Variants in SUSD4 observed in about 807,000 individuals in gnomAD.
SUSD4 encodes the protein sushi domain containing 4, also known as sushi domain-containing protein 4.
A neutral mutation model predicts 50.5 loss-of-function variants in SUSD4; 41 were observed. That is an observed-to-expected ratio of 0.81 (90% CI 0.63 to 1.05). The LOEUF is 1.05. SUSD4 is among the 50% of genes least tolerant of loss of function. The pLI, the probability that SUSD4 is intolerant of heterozygous loss-of-function variation, is 0.00. For synonymous variants in SUSD4, 257 were observed against 257.3 expected, an observed-to-expected ratio of 1.00 and a Z score of 0.01; for missense variants, 580 against 634.7, an observed-to-expected ratio of 0.91 and a Z score of 0.93.
intron 2 of SUSD4, among the ~76,000 whole-genome samples, chr1:223,351,894 C>G (rs368923843): frequency 2.0e-5 from 3 of 151,774 alleles, no homozygotes; most frequent in East Asian, 3.9e-4. Context: ...TTTCCATGGA[C>G]GTTAGCTTAG....
chr1:223,255,749 A>C (rs1363381628), intron 5 of SUSD4, among the ~76,000 whole-genome samples: 1 of 150,508 alleles, frequency 6.6e-6, no homozygotes, highest in Non-Finnish European at 1.5e-5. Flanking sequence ...CTGCTATATC[A>C]AGTAAAAAAG....
At chr1:223,322,842 T>C (rs1666656782) in intron 2 of SUSD4, among the ~76,000 whole-genome samples, 1 of 152,218 alleles carries the variant, frequency 6.6e-6, no homozygotes, top group African/African-American at 2.4e-5. Flanking sequence ...GCAACAGGCA[T>C]GGTATTTTGA....
At chr1:223,341,055 A>C (rs896275714) in intron 2 of SUSD4, among the ~76,000 whole-genome samples, 1 of 152,250 alleles carries the variant, frequency 6.6e-6, no homozygotes, top group Non-Finnish European at 1.5e-5. Flanking sequence ...CCTCCTCTCG[A>C]AACAGATACT....
chr1:223,246,700 T>C (rs1258783933), intron 5 of SUSD4, among the ~76,000 whole-genome samples: 1 of 151,966 alleles, frequency 6.6e-6, no homozygotes, highest in Non-Finnish European at 1.5e-5. Context: ...GGTGGAGATG[T>C]GAGTAAGCTG....
chr1:223,260,312 T>A (rs181982309), intron 5 of SUSD4, among the ~76,000 whole-genome samples: 26 of 152,380 alleles, frequency 1.7e-4, no homozygotes, highest in Non-Finnish European at 1.0e-4. Flanking sequence ...CAATTCGGTG[T>A]TGCTCTGGCC....
chr1:223,360,800 T>C (rs990018415), intron 2 of SUSD4, among the ~76,000 whole-genome samples: 5 of 152,142 alleles, frequency 3.3e-5, no homozygotes, highest in Admixed American at 2.6e-4. Context: ...TATACACTTT[T>C]TTGTGGATGA....
chr1:223,291,512 C>G (rs1211076917), intron 3 of SUSD4, among the ~76,000 whole-genome samples: 1 of 99,434 alleles, frequency 1.0e-5, no homozygotes, highest in Non-Finnish European at 1.9e-5. Flanking sequence ...AAAAAAAAAG[C>G]TTATTAAGTT....
chr1:223,241,691 T>C (rs1407623599), intron 5 of SUSD4, among the ~76,000 whole-genome samples: 1 of 152,230 alleles, frequency 6.6e-6, no homozygotes, highest in Non-Finnish European at 1.5e-5. Context: ...AAGGGGTTAC[T>C]GAAGTTTTTA....
intron 3 of SUSD4, among the ~76,000 whole-genome samples, chr1:223,281,334 C>G (rs1301544803): frequency 6.6e-6 from 1 of 152,146 alleles, no homozygotes; most frequent in Non-Finnish European, 1.5e-5. Flanking sequence ...AATTCATAGA[C>G]TGCTAGCAAG....
At chr1:223,356,985 C>A (rs993336332) in intron 2 of SUSD4, among the ~76,000 whole-genome samples, 8 of 152,200 alleles carry the variant, frequency 5.3e-5, no homozygotes, top group Non-Finnish European at 4.4e-5. Context: ...TCTAAGGGAG[C>A]AACAGAGCTC....
intron 2 of SUSD4, among the ~76,000 whole-genome samples, chr1:223,341,238 G>C (rs1295938026): frequency 1.3e-5 from 2 of 152,186 alleles, no homozygotes; most frequent in African/African-American, 2.4e-5. Flanking sequence ...AACCCGAAAG[G>C]CAGAGCCAGA....
chr1:223,237,624 G>A (rs1468844642), intron 5 of SUSD4, among the ~76,000 whole-genome samples: 1 of 151,646 alleles, frequency 6.6e-6, no homozygotes, highest in Non-Finnish European at 1.5e-5. Context: ...TTCTTTTTTA[G>A]TCAGTTGTTG....
At chr1:223,255,949 CT>C (rs1661660348) in intron 5 of SUSD4, among the ~76,000 whole-genome samples, 2 of 152,158 alleles carry the variant, frequency 1.3e-5, no homozygotes, top group Admixed American at 1.3e-4. Flanking sequence ...CAGGTGGTCA[CT>C]GCTATTATCA....
intron 2 of SUSD4, among the ~76,000 whole-genome samples, chr1:223,333,346 G>A (rs1667279786): frequency 1.3e-5 from 2 of 152,098 alleles, no homozygotes; most frequent in South Asian, 4.2e-4. Flanking sequence ...CCTCCTGAGA[G>A]CAACAGTGAG....
chr1:223,228,283 G>T (rs779787270), intron 6 of SUSD4, among the ~76,000 whole-genome samples: 3 of 152,134 alleles, frequency 2.0e-5, no homozygotes, highest in Non-Finnish European at 4.4e-5. Flanking sequence ...CTTATCCTTT[G>T]GGCACAGGCC....
chr1:223,253,631 A>C (rs1171257098), intron 5 of SUSD4, among the ~76,000 whole-genome samples: 1 of 152,194 alleles, frequency 6.6e-6, no homozygotes, highest in Non-Finnish European at 1.5e-5. Flanking sequence ...AGCCTGAAAA[A>C]GGCCCCTGAA....
Position 223,346,803 on chromosome 1 carries a change from T to C in SUSD4, c.148+16475A>G, listed in dbSNP as rs149755780. On this transcript the variant is annotated intron_variant, in intron 2 of 8. Coordinates refer to ENST00000366878, the MANE Select transcript of SUSD4 (RefSeq NM_017982.4). ...AAATGCTACCCATTAATATTATTAC[T>C]ATTGTTACTACATTTCTTGCTATAT... Among the ~76,000 whole-genome samples, 11 of 152,358 alleles carry C rather than the reference T, an allele frequency of 7.2e-5. No individual in the cohort carries two copies. In the East Asian group the frequency reaches 2.1e-3, roughly 29 times the overall value.
intron 3 of SUSD4, among the ~76,000 whole-genome samples, chr1:223,272,487 G>C (rs1662985413): frequency 6.6e-6 from 1 of 152,212 alleles, no homozygotes; most frequent in African/African-American, 2.4e-5. Flanking sequence ...TTAGTTAGCA[G>C]AGAGCAGCGC....
intron 3 of SUSD4, among the ~76,000 whole-genome samples, chr1:223,278,816 C>T (rs746168368): frequency 3.3e-5 from 5 of 152,102 alleles, no homozygotes; most frequent in South Asian, 4.1e-4. Context: ...AGGCACCCCC[C>T]GAGTAGGGGC....
Sources: gnomAD v4.1 joint callset for allele counts (sites outside exome capture counted in the v4.1 genomes callset) on GRCh38, gnomAD v4.1.1 for gene constraint, MANE v1.5 for transcripts, NCBI Gene and HGNC (gene_info 2026-07-23, HGNC 2026-07-21) for gene names.